TDRP: variants seen among roughly 807,000 people sequenced by gnomAD.
TDRP encodes the protein testis development related protein.
In TDRP, 12 loss-of-function variants were observed where a neutral mutation model predicts 10.5. That is an observed-to-expected ratio of 1.15 (90% confidence interval 0.73 to 1.86). The LOEUF (loss-of-function observed/expected upper bound fraction) is 1.86. TDRP is among the 40% of genes most tolerant of loss of function. TDRP has a pLI of 0.00. For missense variants in TDRP, 353 were observed against 229.2 expected (o/e 1.54, Z -3.49); for synonymous variants, 139 against 95.4 (o/e 1.46, Z -2.67).
chr8:493,801 G>C lies in TDRP; in HGVS notation c.212+693C>G, dbSNP rs549113344. 3.7e-3 allele frequency among the ~76,000 whole-genome samples: 560 copies of C among 152,000 alleles called. 2 individuals carry two copies. Among genetic ancestry groups the C allele is most frequent in the Admixed American group, 6.4e-3 (97 of 15,262 alleles). ...GTTGTTTTTGTTTTGTTTTGGTTTG[G>C]TTTTTTTCTGAAACTACTAAAAATC... On this transcript the variant is annotated intron_variant, in intron 2 of 2. Coordinates refer to ENST00000324079, the MANE Select transcript of TDRP (RefSeq NM_001384899.1).
intron 1 of TDRP, among the ~76,000 whole-genome samples, chr8:516,271 T>A (rs931225872): frequency 6.6e-6 from 1 of 152,140 alleles, no homozygotes; most frequent in Non-Finnish European, 1.5e-5. Flanking sequence ...ATTGGGACTA[T>A]GGCGTGTCCC....
chr8:518,972 G>A (rs1002854455), intron 1 of TDRP, among the ~76,000 whole-genome samples: 2 of 152,182 alleles, frequency 1.3e-5, no homozygotes, highest in East Asian at 3.9e-4. Flanking sequence ...CAGGAGGCTG[G>A]TAGAGCTTCA....
chr8:501,155 G>C (rs74977888), intron 1 of TDRP, among the ~76,000 whole-genome samples: 11,403 of 151,650 alleles, frequency 0.075, 475 homozygotes, highest in South Asian at 0.13. Context: ...GCAGTGAGCT[G>C]AGATCGCGCC....
intron 1 of TDRP, among the ~76,000 whole-genome samples, chr8:497,872 G>GC (rs1332498262): frequency 6.6e-6 from 1 of 152,150 alleles, no homozygotes; most frequent in Non-Finnish European, 1.5e-5. Flanking sequence ...GCTAAATGGG[G>GC]CCAAGGTATA....
intron 1 of TDRP, among the ~76,000 whole-genome samples, chr8:535,618 G>C (rs1325445962): frequency 1.3e-5 from 2 of 152,042 alleles, no homozygotes; most frequent in African/African-American, 2.4e-5. Context: ...ACTCCCCAAA[G>C]GCAGACGTAA....
chr8:494,919 G>A (rs188362348), intron 1 of TDRP: 171 of 207,422 alleles, frequency 8.2e-4, no homozygotes, highest in African/African-American at 3.8e-3. Flanking sequence ...TCACAAATAA[G>A]AATTAGGTCT....
intron 1 of TDRP, among the ~76,000 whole-genome samples, chr8:538,286 T>C (rs1433128899): frequency 6.6e-6 from 1 of 152,166 alleles, no homozygotes; most frequent in Non-Finnish European, 1.5e-5. Context: ...AGGAACTCAA[T>C]CAGACATCAA....
At chr8:539,876 T>A (rs1802447278) in intron 1 of TDRP, among the ~76,000 whole-genome samples, 1 of 152,224 alleles carries the variant, frequency 6.6e-6, no homozygotes, top group African/African-American at 2.4e-5. Flanking sequence ...GCTCTCCCCA[T>A]CTCCAAGCAT....
intron 1 of TDRP, among the ~76,000 whole-genome samples, chr8:541,664 T>C (rs1403482933): frequency 2.6e-5 from 4 of 152,218 alleles, no homozygotes; most frequent in African/African-American, 9.6e-5. Context: ...AAGATGCTCA[T>C]GTCATTTATC....
intron 2 of TDRP, among the ~76,000 whole-genome samples, chr8:493,999 T>TTTG (rs1554455948): frequency 1.3e-5 from 2 of 148,428 alleles, no homozygotes; most frequent in Non-Finnish European, 3.0e-5. Flanking sequence ...TGTTGTTTTT[T>TTTG]TTTTTTTTTT....
chr8:493,956 C>CT lies in TDRP; in HGVS notation c.212+537dup, dbSNP rs1165525402. ...GGACCTTTTATCCAAAGTACAGTTTCTTTTTTTTTCATCGAACACCACAAC... is the reference window on the plus strand; with the variant it reads ...GGACCTTTTATCCAAAGTACAGTTTCTTTTTTTTTTCATCGAACACCACAAC... On this transcript the variant is annotated intron_variant, in intron 2 of 2. Transcript: ENST00000324079. Among the ~76,000 whole-genome samples, 33 of 124,556 alleles carry CT rather than the reference C, an allele frequency of 2.6e-4. 2 individuals carry two copies. The highest frequency in any genetic ancestry group is 1.2e-3 in the Admixed American group (15 of 12,510). The allele number at this position is 124,556 out of a possible 152,430, so 81.7% of individuals were successfully genotyped here. A position where few individuals can be genotyped will look rare whatever the true frequency, so the allele number is the denominator to read the frequency against.
chr8:500,435 G>C (rs925105419), intron 1 of TDRP, among the ~76,000 whole-genome samples: 1 of 152,042 alleles, frequency 6.6e-6, no homozygotes, highest in Non-Finnish European at 1.5e-5. Flanking sequence ...ACAGAGCTTG[G>C]GTGTGGCAAC....
chr8:541,218 C>T (rs1802487547), intron 1 of TDRP, among the ~76,000 whole-genome samples: 1 of 152,192 alleles, frequency 6.6e-6, no homozygotes, highest in South Asian at 2.1e-4. Flanking sequence ...ACTAATCTGT[C>T]ATAATTAACA....
chr8:537,292 C>A (rs745950019), intron 1 of TDRP, among the ~76,000 whole-genome samples: 1 of 152,190 alleles, frequency 6.6e-6, no homozygotes, highest in African/African-American at 2.4e-5. Flanking sequence ...GCCTGTCGCA[C>A]AAGTGAGAAG....
At chr8:500,288 C>T (rs1391583088) in intron 1 of TDRP, among the ~76,000 whole-genome samples, 1 of 152,122 alleles carries the variant, frequency 6.6e-6, no homozygotes, top group Non-Finnish European at 1.5e-5. Flanking sequence ...AAAATTATTC[C>T]TGTTAGGTTA....
At chr8:523,979 A>G (rs892909701) in intron 1 of TDRP, among the ~76,000 whole-genome samples, 17 of 152,212 alleles carry the variant, frequency 1.1e-4, no homozygotes, top group African/African-American at 3.4e-4. Context: ...CAGTGGTTAT[A>G]GCAGGGCCTT....
intron 1 of TDRP, among the ~76,000 whole-genome samples, chr8:515,229 G>A (rs997420588): frequency 6.6e-6 from 1 of 152,090 alleles, no homozygotes; most frequent in African/African-American, 2.4e-5. Context: ...TGTCTTTTCT[G>A]CTCTATCTTT....
At chr8:512,003 T>C (rs1385149764) in intron 1 of TDRP, among the ~76,000 whole-genome samples, 2 of 151,676 alleles carry the variant, frequency 1.3e-5, no homozygotes, top group Non-Finnish European at 2.9e-5. Context: ...CTTAAGGCAG[T>C]GGAAAAAGAG....
At chr8:538,260 T>C (rs935211862) in intron 1 of TDRP, among the ~76,000 whole-genome samples, 2 of 152,100 alleles carry the variant, frequency 1.3e-5, no homozygotes, top group African/African-American at 4.8e-5. Flanking sequence ...AACTCAGACA[T>C]CAAGGCCAGG....
Sources: allele counts gnomAD v4.1 joint callset (sites outside exome capture counted in the v4.1 genomes callset), GRCh38; gene constraint gnomAD v4.1.1; transcripts MANE v1.5; gene names NCBI Gene and HGNC (gene_info 2026-07-23, HGNC 2026-07-21).